Variants in SERGEF observed in about 807,000 individuals in gnomAD.
SERGEF encodes secretion-regulating guanine nucleotide exchange factor.
In SERGEF, 51 loss-of-function variants were observed where a neutral mutation model predicts 50.0. The ratio of observed to expected loss-of-function variants is 1.02; its 90% CI spans 0.81 to 1.29. SERGEF has a LOEUF of 1.29. Ranked by LOEUF, SERGEF falls within the 50% of genes most tolerant of loss-of-function variation. The pLI is 0.00. For missense variants in SERGEF, 521 were observed against 557.0 expected (o/e 0.94, Z 0.65); for synonymous variants, 205 against 212.4 (o/e 0.97, Z 0.30).
chr11:17,934,425 T>C (rs1418452531), intron 9 of SERGEF, among the ~76,000 whole-genome samples: 2 of 152,204 alleles, frequency 1.3e-5, no homozygotes, highest in Non-Finnish European at 2.9e-5. Flanking sequence ...TAGTTATTCA[T>C]TCAGGAAAAA....
intron 10 of SERGEF, among the ~76,000 whole-genome samples, chr11:17,801,594 T>C (rs763049215): frequency 3.9e-5 from 6 of 152,154 alleles, no homozygotes; most frequent in Non-Finnish European, 7.4e-5. Context: ...ATTTATGAAG[T>C]TGAGGAGGCC....
At chr11:17,907,521 C>T (rs1439820833) in intron 9 of SERGEF, among the ~76,000 whole-genome samples, 1 of 152,198 alleles carries the variant, frequency 6.6e-6, no homozygotes, top group Non-Finnish European at 1.5e-5. Context: ...TAAAGATCTT[C>T]TATTCTAAAA....
intron 9 of SERGEF, among the ~76,000 whole-genome samples, chr11:17,880,666 A>G (rs1356277684): frequency 6.6e-6 from 1 of 152,164 alleles, no homozygotes; most frequent in Non-Finnish European, 1.5e-5. Flanking sequence ...AAATCTATTA[A>G]AAACTAGAAA....
chr11:17,927,096 C>T (rs1489701350), intron 9 of SERGEF, among the ~76,000 whole-genome samples: 1 of 152,160 alleles, frequency 6.6e-6, no homozygotes, highest in African/African-American at 2.4e-5. Context: ...CTTAGCACAT[C>T]CTAAAAGAAA....
At chr11:17,841,602 C>T (rs894926745) in intron 10 of SERGEF, among the ~76,000 whole-genome samples, 1 of 152,172 alleles carries the variant, frequency 6.6e-6, no homozygotes, top group Non-Finnish European at 1.5e-5. Context: ...ATTCTCAAGG[C>T]CATTGTTGGA....
chr11:17,831,775 T>C (rs1206002884), intron 10 of SERGEF, among the ~76,000 whole-genome samples: 1 of 152,228 alleles, frequency 6.6e-6, no homozygotes, highest in Admixed American at 6.5e-5. Context: ...TTCCCTCTTG[T>C]CTGTCTTCCA....
At chr11:17,851,349 A>G (rs1310224873) in intron 10 of SERGEF, among the ~76,000 whole-genome samples, 3 of 152,190 alleles carry the variant, frequency 2.0e-5, no homozygotes, top group Non-Finnish European at 4.4e-5. Flanking sequence ...CTTAACCTTG[A>G]AACCACATTC....
chr11:17,880,187 G>A (rs60553645), intron 9 of SERGEF, among the ~76,000 whole-genome samples: 4,061 of 152,288 alleles, frequency 0.027, 216 homozygotes, highest in East Asian at 0.2. Context: ...TTACCAGTAA[G>A]TATTTCCAGG....
intron 10 of SERGEF, among the ~76,000 whole-genome samples, chr11:17,857,240 T>C (rs1178534818): frequency 6.6e-6 from 1 of 152,214 alleles, no homozygotes; most frequent in Non-Finnish European, 1.5e-5. Context: ...ACATAGCCCA[T>C]AACTTGCTGT....
intron 9 of SERGEF, among the ~76,000 whole-genome samples, chr11:17,900,382 T>C (rs1160236646): frequency 6.6e-6 from 1 of 152,240 alleles, no homozygotes; most frequent in Non-Finnish European, 1.5e-5. Flanking sequence ...CTATTCTTAA[T>C]ACCCACAAAA....
At chr11:17,934,427 C>A (rs1268023128) in intron 9 of SERGEF, among the ~76,000 whole-genome samples, 1 of 152,122 alleles carries the variant, frequency 6.6e-6, no homozygotes, top group Non-Finnish European at 1.5e-5. Flanking sequence ...GTTATTCATT[C>A]AGGAAAAAAG....
chr11:17,946,998 A>G (rs1391897771), intron 9 of SERGEF, among the ~76,000 whole-genome samples: 1 of 152,218 alleles, frequency 6.6e-6, no homozygotes, highest in African/African-American at 2.4e-5. Flanking sequence ...AAGACACACA[A>G]AAAATCTTAA....
intron 10 of SERGEF, among the ~76,000 whole-genome samples, chr11:17,813,060 TA>T (rs1199882499): frequency 1.3e-5 from 2 of 152,200 alleles, no homozygotes; most frequent in Non-Finnish European, 2.9e-5. Flanking sequence ...TAAAACAAGC[TA>T]GACTAAGGAT....
intron 7 of SERGEF, among the ~76,000 whole-genome samples, chr11:17,989,849 A>T (rs1430899039): frequency 1.3e-5 from 2 of 152,184 alleles, no homozygotes; most frequent in Admixed American, 6.5e-5. Context: ...TTATAATTTG[A>T]TATGGGTTAC....
chr11:17,871,392 C>T (rs1372247564), intron 10 of SERGEF, among the ~76,000 whole-genome samples: 3 of 142,610 alleles, frequency 2.1e-5, no homozygotes, highest in South Asian at 4.6e-4. Context: ...ACCCAGGAGG[C>T]GGAGCTTGCA....
At chr11:17,878,614 T>C (rs1851284523) in intron 9 of SERGEF, among the ~76,000 whole-genome samples, 4 of 152,200 alleles carry the variant, frequency 2.6e-5, no homozygotes, top group Admixed American at 2.6e-4. Flanking sequence ...TTTTGAAAAC[T>C]GAACTAAAAA....
chr11:18,007,302 C>T (rs528078500), intron 2 of SERGEF, among the ~76,000 whole-genome samples: 11 of 152,276 alleles, frequency 7.2e-5, no homozygotes, highest in South Asian at 2.1e-4. Context: ...AAAGCACCAA[C>T]GACCCATGAC....
intron 8 of SERGEF, among the ~76,000 whole-genome samples, chr11:17,966,341 G>C (rs1175422025): frequency 6.6e-6 from 1 of 152,204 alleles, no homozygotes; most frequent in Non-Finnish European, 1.5e-5. Context: ...CGTAAGACTT[G>C]AATTAAGATT....
chr11:17,803,669 T>A (rs1849709883), intron 10 of SERGEF, among the ~76,000 whole-genome samples: 1 of 152,208 alleles, frequency 6.6e-6, no homozygotes, highest in South Asian at 2.1e-4. Context: ...GCTGTTGGGA[T>A]TGCCCACATC....
Sources: allele counts gnomAD v4.1 joint callset (sites outside exome capture counted in the v4.1 genomes callset), GRCh38; gene constraint gnomAD v4.1.1; transcripts MANE v1.5; gene names NCBI Gene and HGNC (gene_info 2026-07-23, HGNC 2026-07-21).